The following SPRED2 variants were observed in gnomAD, a reference collection of about 807,000 sequenced individuals.
SPRED2 encodes sprouty-related, EVH1 domain-containing protein 2.
A neutral mutation model predicts 43.0 loss-of-function variants in SPRED2; 47 were observed. The observed-to-expected ratio is 1.09, with a 90% CI of 0.87 to 1.40. The LOEUF is 1.40. Ranked by LOEUF, SPRED2 falls within the 40% of genes most tolerant of loss-of-function variation. The pLI is 0.00. For synonymous variants in SPRED2, 225 were observed against 225.7 expected (o/e 1.00, Z 0.03); for missense variants, 561 against 586.4 (o/e 0.96, Z 0.45).
At chr2:65,418,754 C>T (rs374692159) in intron 1 of SPRED2, among the ~76,000 whole-genome samples, 305 of 152,056 alleles carry the variant, frequency 2.0e-3, no homozygotes, top group African/African-American at 7.2e-3. Flanking sequence ...GGGATTTCAC[C>T]ATATTGGCCA....
At position 65,312,216 on chromosome 2, in the gene SPRED2, G is replaced by A; in HGVS notation, c.*1285C>T. 1 of 985,740 alleles carries A rather than the reference G, an allele frequency of 1.0e-6. No homozygotes were observed. The highest frequency in any genetic ancestry group is 1.2e-6 in the Non-Finnish European group (1 of 829,938). 61.1% of individuals were successfully genotyped at this position (985,740 alleles called of 1,614,324 possible). ...CCAGTTGGCTGACCTAACCACCTGT[G>A]CACCCAAAGTGGCGAGTCTGGGTTT... On this transcript the variant is annotated 3_prime_UTR_variant, in exon 6 of 6. Transcript: ENST00000356388.
chr2:65,351,118 G>A (rs772217596), intron 1 of SPRED2, among the ~76,000 whole-genome samples: 11 of 152,172 alleles, frequency 7.2e-5, no homozygotes, highest in Non-Finnish European at 1.5e-4. Flanking sequence ...ACTGAGGAGT[G>A]GGTTTCGACT....
At chr2:65,310,037 A>C (rs1199994019), downstream of SPRED2, among the ~76,000 whole-genome samples, 4 of 152,154 alleles carry the variant, frequency 2.6e-5, no homozygotes, top group African/African-American at 9.7e-5. Context: ...CAGGGATGAC[A>C]GGAGGGCCCT....
intron 4 of SPRED2, among the ~76,000 whole-genome samples, chr2:65,323,072 G>A (rs894660404): frequency 2.0e-5 from 3 of 152,246 alleles, no homozygotes; most frequent in South Asian, 2.1e-4. Flanking sequence ...TTGGCTCACC[G>A]CAACCTCCGC....
chr2:65,418,197 C>T (rs1257475962), intron 1 of SPRED2, among the ~76,000 whole-genome samples: 2 of 152,210 alleles, frequency 1.3e-5, no homozygotes, highest in East Asian at 3.8e-4. Context: ...ATCACTTCAT[C>T]GTCTCTTTGT....
rs188043544 is a variant in SPRED2 at position 65,397,065 on chromosome 2, G to A, written c.26+34897C>T. Among the ~76,000 whole-genome samples, 20 of 151,092 alleles carry A rather than the reference G, an allele frequency of 1.3e-4. 1 individual carries two copies. The East Asian group carries it at 2.7e-3, about 20-fold the overall frequency. On this transcript the variant is annotated intron_variant, in intron 1 of 5. Coordinates refer to ENST00000356388, the MANE Select transcript of SPRED2 (RefSeq NM_181784.3). ...TCTTTTAAATAAGAACACAAGAATCGTTCATGAAAAAAAAAAATTCAGTCA... is the reference window on the plus strand; with the variant it reads ...TCTTTTAAATAAGAACACAAGAATCATTCATGAAAAAAAAAAATTCAGTCA...
intron 1 of SPRED2, among the ~76,000 whole-genome samples, chr2:65,375,482 C>A: frequency 6.6e-6 from 1 of 152,148 alleles, no homozygotes. Flanking sequence ...AAGAAAAGGG[C>A]CAAAGGAGGA....
intron 1 of SPRED2, among the ~76,000 whole-genome samples, chr2:65,365,862 G>A (rs576232677): frequency 5.9e-5 from 9 of 152,210 alleles, no homozygotes; most frequent in Middle Eastern, 3.4e-3. Context: ...AGTGGGTGAA[G>A]AAAGAGAGAG....
At chr2:65,407,155 C>CT (rs1314439771) in intron 1 of SPRED2, among the ~76,000 whole-genome samples, 1 of 151,496 alleles carries the variant, frequency 6.6e-6, no homozygotes, top group Non-Finnish European at 1.5e-5. Context: ...TCTCGATCTC[C>CT]TGACCCCATG....
At chr2:65,362,459 A>G (rs910494417) in intron 1 of SPRED2, among the ~76,000 whole-genome samples, 1 of 151,892 alleles carries the variant, frequency 6.6e-6, no homozygotes, top group African/African-American at 2.4e-5. Flanking sequence ...TTTAGTAGAG[A>G]TGGGATTTCA....
intron 1 of SPRED2, among the ~76,000 whole-genome samples, chr2:65,355,671 C>T (rs1310183260): frequency 6.6e-6 from 1 of 152,060 alleles, no homozygotes; most frequent in Non-Finnish European, 1.5e-5. Flanking sequence ...TGAGGGAGTA[C>T]TGGGAGTTGA....
intron 1 of SPRED2, among the ~76,000 whole-genome samples, chr2:65,425,871 CCAAA>C (rs1223586580): frequency 2.0e-5 from 3 of 152,128 alleles, no homozygotes; most frequent in African/African-American, 4.8e-5. Flanking sequence ...AAAAACAAGC[CCAAA>C]CAAATAATCA....
At chr2:65,368,046 T>C (rs1675029036) in intron 1 of SPRED2, among the ~76,000 whole-genome samples, 1 of 152,168 alleles carries the variant, frequency 6.6e-6, no homozygotes, top group Non-Finnish European at 1.5e-5. Context: ...ACTATCCATA[T>C]TGATGCGCTG....
chr2:65,346,536 C>T (rs1674355168), intron 1 of SPRED2, among the ~76,000 whole-genome samples: 1 of 152,196 alleles, frequency 6.6e-6, no homozygotes, highest in African/African-American at 2.4e-5. Context: ...CTCGACCCCT[C>T]AGCCCCTGGC....
chr2:65,328,552 C>G (rs369264514), intron 4 of SPRED2, among the ~76,000 whole-genome samples: 1 of 152,152 alleles, frequency 6.6e-6, no homozygotes, highest in Non-Finnish European at 1.5e-5. Context: ...AATGCAGTCA[C>G]GTATCCAGGA....
At chr2:65,338,417 C>T (rs1222415090) in intron 2 of SPRED2, among the ~76,000 whole-genome samples, 1 of 151,524 alleles carries the variant, frequency 6.6e-6, no homozygotes, top group African/African-American at 2.4e-5. Context: ...CCTGCCTCAG[C>T]CTGCCGAGTG....
At chr2:65,308,622 C>T (rs949079584), downstream of SPRED2, 68 of 939,772 alleles carry the variant, frequency 7.2e-5, no homozygotes, top group African/African-American at 1.2e-3. Flanking sequence ...TTTGGGGCAC[C>T]TGCTGCGTAT....
At chr2:65,399,540 G>A (rs1372809408) in intron 1 of SPRED2, among the ~76,000 whole-genome samples, 3 of 151,504 alleles carry the variant, frequency 2.0e-5, no homozygotes, top group Non-Finnish European at 4.4e-5. Flanking sequence ...ACGCCACCAC[G>A]CCTGGCTAAT....
At position 65,431,901 on chromosome 2, in the gene SPRED2, AG is replaced by A. The variant is rs1382690530; in HGVS notation, c.26+60del. On this transcript the variant is annotated intron_variant, in intron 1 of 5. Transcript: ENST00000356388. Reference sequence around the variant, plus strand: ...AATAAGCGTCCCCGCCCGCATCCTCAGCCCCGGCCCCCACGCTGCCCCTGAG... The same window carrying A: ...AATAAGCGTCCCCGCCCGCATCCTCACCCCGGCCCCCACGCTGCCCCTGAG... 22 of 1,598,056 alleles carry A rather than the reference AG, an allele frequency of 1.4e-5. No homozygotes were observed. The African/African-American group carries it at 2.8e-4, about 20-fold the overall frequency.
Sources: gnomAD v4.1 joint callset for allele counts (sites outside exome capture counted in the v4.1 genomes callset) on GRCh38, gnomAD v4.1.1 for gene constraint, MANE v1.5 for transcripts, NCBI Gene and HGNC (gene_info 2026-07-23, HGNC 2026-07-21) for gene names.